The following ANKRD46 variants were observed in gnomAD, a reference collection of about 807,000 sequenced individuals.
ANKRD46 encodes the protein ankyrin repeat domain 46, also known as ankyrin repeat domain-containing protein 46.
In ANKRD46, 13 loss-of-function variants were observed where a neutral mutation model predicts 19.8. The observed-to-expected ratio is 0.66, with a 90% CI of 0.43 to 1.04. The LOEUF (loss-of-function observed/expected upper bound fraction) is 1.04. Ranked by LOEUF, ANKRD46 falls within the 50% of genes least tolerant of loss-of-function variation. ANKRD46 has a pLI of 0.00. For synonymous variants in ANKRD46, 91 were observed against 106.9 expected (o/e 0.85, Z 0.92); for missense variants, 185 against 274.8 (o/e 0.67, Z 2.31).
chr8:100,520,285 T>C (rs1811699413), downstream of ANKRD46, among the ~76,000 whole-genome samples: 1 of 152,150 alleles, frequency 6.6e-6, no homozygotes, highest in African/African-American at 2.4e-5. Context: ...CCTGCTGAAA[T>C]GGTATCAGGC....
In ANKRD46 at chr8:100,537,729, A is replaced by G. The variant is rs145935747; in HGVS notation, c.-130-4418T>C. ...GCTGTGAGCAAGTAAGAATTTTAAC[A>G]ATTTAAAATCCTTCCCAAAACATTA... On this transcript the variant is annotated intron_variant, in intron 1 of 4. Coordinates refer to ENST00000335659, the MANE Select transcript of ANKRD46 (RefSeq NM_001270377.2). This position sits in a 1 kb window ranked among gnomAD's most constrained non-coding sequence, Gnocchi z 4.2. Among the ~76,000 whole-genome samples, 44 of 152,358 alleles carry G rather than the reference A, an allele frequency of 2.9e-4. No individual in the cohort carries two copies. Among genetic ancestry groups the G allele is most frequent in the African/African-American group, 1.0e-3 (43 of 41,592 alleles).
intron 2 of ANKRD46, among the ~76,000 whole-genome samples, chr8:100,531,291 A>G (rs1456857346): frequency 2.0e-5 from 3 of 152,248 alleles, no homozygotes; most frequent in Non-Finnish European, 1.5e-5. Context: ...CTGATCAGGT[A>G]AAGTCTCTTT....
intron 4 of ANKRD46, among the ~76,000 whole-genome samples, chr8:100,523,789 G>T (rs901839218): frequency 6.6e-6 from 1 of 152,104 alleles, no homozygotes; most frequent in Non-Finnish European, 1.5e-5. Context: ...GACTACAGGT[G>T]CATGCCACCA....
intron 4 of ANKRD46, 107 bp from the exon 5 acceptor site, chr8:100,522,878 C>G: frequency 1.8e-6 from 1 of 547,646 alleles, no homozygotes; most frequent in Non-Finnish European, 3.2e-6. Flanking sequence ...CACACACACA[C>G]ACACACACAC....
In ANKRD46 at chr8:100,521,148, T is replaced by G; in HGVS notation, c.*1407A>C. On this transcript the variant is annotated 3_prime_UTR_variant, in exon 5 of 5. Coordinates refer to ENST00000335659, the MANE Select transcript of ANKRD46 (RefSeq NM_001270377.2). ...CTATTAAAGAGAGGATAAAGCCACA[T>G]GAAAGAGCAAGCCTCAATACTAGAT... 8 of 984,894 alleles carry G rather than the reference T, an allele frequency of 8.1e-6. No individual in the cohort carries two copies. The highest frequency in any genetic ancestry group is 9.6e-6 in the Non-Finnish European group (8 of 829,878). The allele number at this position is 984,894 out of a possible 1,614,324, so 61.0% of individuals were successfully genotyped here.
chr8:100,528,472 G>A (rs1430609324), intron 3 of ANKRD46, among the ~76,000 whole-genome samples: 2 of 151,018 alleles, frequency 1.3e-5, no homozygotes, highest in East Asian at 3.9e-4. Flanking sequence ...CCAGAGCTGA[G>A]CCAAACATCC....
At chr8:100,551,434 A>G (rs1812388206) in intron 1 of ANKRD46, 2 of 650,884 alleles carry the variant, frequency 3.1e-6, no homozygotes, top group Admixed American at 1.8e-5. Context: ...ACTCCACGGC[A>G]TACTCAGCTT....
intron 4 of ANKRD46, 119 bp from the exon 5 acceptor site, chr8:100,522,890 CACACACACACACACATATATAT>C: frequency 1.2e-5 from 7 of 569,986 alleles, no homozygotes; most frequent in Non-Finnish European, 2.1e-5. Context: ...CACACACACA[CACACACACACACACATATATAT>C]ATATACACAC....
intron 5 of ANKRD46, among the ~76,000 whole-genome samples, chr8:100,514,070 A>G (rs1586773449): frequency 6.6e-6 from 1 of 152,360 alleles, no homozygotes; most frequent in Non-Finnish European, 1.5e-5. Context: ...TCATAGCCCA[A>G]TCACAGGAAG....
rs139669878 is a variant in ANKRD46, at chr8:100,510,239, G to C, written c.*338C>G. The C allele has an allele frequency of 3.9e-6, 1 of 258,630 alleles. No individual in the cohort carries two copies. The highest frequency in any genetic ancestry group is 7.3e-6 in the Non-Finnish European group (1 of 137,046). 16.0% of individuals were successfully genotyped at this position (258,630 alleles called of 1,614,324 possible). On this transcript the variant is annotated 3_prime_UTR_variant, in exon 6 of 6. Transcript: ENST00000520552. This position sits in a 1 kb window ranked among gnomAD's most constrained non-coding sequence, Gnocchi z 4.9. The stretch of plus-strand genomic sequence containing the variant: ...CACCCGCCTGGGAGTTGTCATTTCA[G>C]ACACCACGGCAGCCTTTTGTTCAAG...
At chr8:100,556,949 T>C (rs1200181537) in intron 1 of ANKRD46, 2 of 152,212 alleles carry the variant, frequency 1.3e-5, no homozygotes, top group Non-Finnish European at 2.9e-5. Flanking sequence ...CATAGGCTCA[T>C]GGCTTTAAAT....
rs1051340956 is a variant in ANKRD46 at position 100,559,377 on chromosome 8, G to C, written c.-131+334C>G. On this transcript the variant is annotated intron_variant, in intron 1 of 4. Transcript: ENST00000335659. The surrounding 1 kb of genome is among the most constrained non-coding windows in gnomAD (Gnocchi z 6.0). ...CAGCTGGACCTGCGGCGTGGCTTCCGCGCTCCACCCCCCGATTAACCGCGA... is the reference window on the plus strand; with the variant it reads ...CAGCTGGACCTGCGGCGTGGCTTCCCCGCTCCACCCCCCGATTAACCGCGA... 2.0e-5 allele frequency: 3 copies of C among 152,332 alleles called. No individual in the cohort carries two copies. The highest frequency in any genetic ancestry group is 7.2e-5 in the African/African-American group (3 of 41,392). 9.4% of individuals were successfully genotyped at this position (152,332 alleles called of 1,614,324 possible).
At chr8:100,558,681 C>T (rs1402042787) in intron 1 of ANKRD46, among the ~76,000 whole-genome samples, 1 of 152,112 alleles carries the variant, frequency 6.6e-6, no homozygotes, top group East Asian at 1.9e-4. Flanking sequence ...TCTTAGACAG[C>T]GCTACATGTT....
chr8:100,554,215 C>G (rs1812449471), intron 1 of ANKRD46, among the ~76,000 whole-genome samples: 1 of 152,100 alleles, frequency 6.6e-6, no homozygotes, highest in African/African-American at 2.4e-5. Context: ...AATGTACTGG[C>G]AAGTCAGACG....
At position 100,558,834 on chromosome 8, in the gene ANKRD46, T is replaced by C. The variant is rs571700129; in HGVS notation, c.-131+877A>G. On this transcript the variant is annotated intron_variant, in intron 1 of 4. Coordinates refer to ENST00000335659, the MANE Select transcript of ANKRD46 (RefSeq NM_001270377.2). ...TCTGTATAATGGAAATGGTACCTGATAGGGTTGCTTCAAGGATTAAAGGTA... is the reference window on the plus strand; with the variant it reads ...TCTGTATAATGGAAATGGTACCTGACAGGGTTGCTTCAAGGATTAAAGGTA... 3.9e-5 allele frequency among the ~76,000 whole-genome samples: 6 copies of C among 152,256 alleles called. No homozygotes were observed. In the East Asian group the frequency reaches 1.2e-3, roughly 29 times the overall value.
intron 5 of ANKRD46, among the ~76,000 whole-genome samples, chr8:100,515,305 C>T (rs912788322): frequency 1.3e-5 from 2 of 152,144 alleles, no homozygotes; most frequent in Non-Finnish European, 2.9e-5. Context: ...GCTCTTGAAA[C>T]CCCGGGGCCT....
Position 100,513,533 on chromosome 8 carries a change from G to A in ANKRD46, c.637-2894C>T, listed in dbSNP as rs116730327. ...GATCAAGGTCAGTTCATATTAAGTT[G>A]GGATTTGTTGGCTCCAAGTCTACGT... On this transcript the variant is annotated intron_variant, in intron 5 of 5. Transcript: ENST00000520552. 5.5e-3 allele frequency among the ~76,000 whole-genome samples: 838 copies of A among 152,300 alleles called. 10 individuals are homozygous for A. The highest frequency in any genetic ancestry group is 0.019 in the African/African-American group (798 of 41,558).
chr8:100,554,266 T>C (rs1179950314), intron 1 of ANKRD46, among the ~76,000 whole-genome samples: 1 of 152,212 alleles, frequency 6.6e-6, no homozygotes, highest in Non-Finnish European at 1.5e-5. Context: ...TTGGTGGAAG[T>C]GCTAACAATC....
In ANKRD46 at chr8:100,524,661, T is replaced by TAA. The variant is rs1443330177; in HGVS notation, c.471-1891_471-1890insTT. ...AGGCCTAAAAGAGTAAAACCACAAA[T>TAA]AGATAACACAGTTCTGCAGAGGCTT... On this transcript the variant is annotated intron_variant, in intron 4 of 4. Coordinates refer to ENST00000335659, the MANE Select transcript of ANKRD46 (RefSeq NM_001270377.2). This position sits in a 1 kb window ranked among gnomAD's most constrained non-coding sequence, Gnocchi z 4.3. Among the ~76,000 whole-genome samples, 1 of 152,092 alleles carries TAA rather than the reference T, an allele frequency of 6.6e-6. No individual in the cohort carries two copies. The highest frequency in any genetic ancestry group is 1.5e-5 in the Non-Finnish European group (1 of 67,996).
Sources: gnomAD v4.1 joint callset for allele counts (sites outside exome capture counted in the v4.1 genomes callset) on GRCh38, gnomAD v4.1.1 for gene constraint, Gnocchi (gnomAD v3.1) non-coding constraint, MANE v1.5 for transcripts, NCBI Gene and HGNC (gene_info 2026-07-23, HGNC 2026-07-21) for gene names.